LASP1: variants seen among roughly 807,000 people sequenced by gnomAD.
The protein encoded by LASP1 is LIM and SH3 protein 1.
A neutral mutation model predicts 38.6 loss-of-function variants in LASP1; 10 were observed. The ratio of observed to expected loss-of-function variants is 0.26; its 90% CI spans 0.16 to 0.44. The LOEUF is 0.44. Among genes scored for constraint, LASP1 ranks in the 20% least tolerant of loss-of-function variants. The pLI is 1.00. For synonymous variants in LASP1, 132 were observed against 140.8 expected, an observed-to-expected ratio of 0.94 and a Z score of 0.44; for missense variants, 243 against 375.7, an observed-to-expected ratio of 0.65 and a Z score of 2.92.
intron 4 of LASP1, among the ~76,000 whole-genome samples, chr17:38,912,704 G>C (rs556833112): frequency 6.6e-4 from 100 of 152,144 alleles, no homozygotes; most frequent in Non-Finnish European, 1.2e-3. Context: ...AGGAAGCCTG[G>C]GGCCAATCAG....
chr17:38,902,585 G>A (rs1053614012), intron 4 of LASP1, among the ~76,000 whole-genome samples: 2 of 152,048 alleles, frequency 1.3e-5, no homozygotes, highest in Non-Finnish European at 2.9e-5. Context: ...GGTGTTTAGA[G>A]CCACACCTTT....
intron 2 of LASP1, among the ~76,000 whole-genome samples, chr17:38,889,537 A>T (rs1289362945): frequency 6.6e-6 from 1 of 152,214 alleles, no homozygotes; most frequent in Non-Finnish European, 1.5e-5. Flanking sequence ...CACAAGGGAA[A>T]ATTCCACACC....
intron 2 of LASP1, 123 bp from the exon 3 acceptor site, chr17:38,890,297 G>C: frequency 3.7e-6 from 3 of 807,338 alleles, no homozygotes; most frequent in Non-Finnish European, 4.0e-6. Context: ...TCCTCCTGTG[G>C]GGCCGGGCCA....
intron 6 of LASP1, chr17:38,915,814 C>T (rs929589586): frequency 5.3e-5 from 8 of 152,216 alleles, no homozygotes; most frequent in African/African-American, 1.4e-4. Context: ...CTCACTCCAC[C>T]CATGGGTGCC....
chr17:38,900,197 CAAAAA>C (rs56008544), intron 4 of LASP1, among the ~76,000 whole-genome samples: 3 of 67,570 alleles, frequency 4.4e-5, no homozygotes, highest in Middle Eastern at 0.013. Context: ...ACTGTTTCTA[CAAAAA>C]AAAAAAAAAA....
chr17:38,917,631 C>T (rs1468508846), intron 6 of LASP1, among the ~76,000 whole-genome samples: 4 of 152,016 alleles, frequency 2.6e-5, no homozygotes, highest in Non-Finnish European at 5.9e-5. Context: ...CTAAAAGAAA[C>T]TACTGGTGCT....
In LASP1 at chr17:38,919,912, A is replaced by G; in HGVS notation, c.*1134A>G. On this transcript the variant is annotated 3_prime_UTR_variant, in exon 7 of 7. Coordinates refer to ENST00000318008, the MANE Select transcript of LASP1 (RefSeq NM_006148.4). ...AGAGATGGGGCGGGGGTGTGTCTGTAGGTGTCTCTGGGCCTGTGTGTGGGT... is the reference window on the plus strand; with the variant it reads ...AGAGATGGGGCGGGGGTGTGTCTGTGGGTGTCTCTGGGCCTGTGTGTGGGT... 1 of 520,914 alleles carries G rather than the reference A, an allele frequency of 1.9e-6. No individual in the cohort carries two copies. The highest frequency in any genetic ancestry group is 3.7e-6 in the Non-Finnish European group (1 of 268,344). The allele number at this position is 520,914 out of a possible 1,614,324, so 32.3% of individuals were successfully genotyped here.
At chr17:38,901,827 G>A (rs1386837993) in intron 4 of LASP1, among the ~76,000 whole-genome samples, 2 of 151,976 alleles carry the variant, frequency 1.3e-5, no homozygotes, top group African/African-American at 2.4e-5. Flanking sequence ...GTGCAGTGGC[G>A]CAATCTCGGC....
Position 38,918,955 on chromosome 17 carries a change from C to G in LASP1, c.*177C>G, listed in dbSNP as rs894179074. 1.4e-6 allele frequency: 1 copy of G among 692,218 alleles called. No homozygotes were observed. The highest frequency in any genetic ancestry group is 2.4e-6 in the Non-Finnish European group (1 of 417,224). The allele number at this position is 692,218 out of a possible 1,614,324, so 42.9% of individuals were successfully genotyped here. ...CTTCTTCTGCCACTTCTGCGGGCTC[C>G]CTCCTCTGGCAGGCTTCCCCCTTGA... On this transcript the variant is annotated 3_prime_UTR_variant, in exon 7 of 7. Transcript: ENST00000318008. This position sits in a 1 kb window ranked among gnomAD's most constrained non-coding sequence, Gnocchi z 4.4.
intron 1 of LASP1, among the ~76,000 whole-genome samples, chr17:38,876,528 A>AT: frequency 6.7e-6 from 1 of 148,806 alleles, no homozygotes. Context: ...CACCCGGCTA[A>AT]TTTTTTTGTA....
At chr17:38,896,809 T>C in intron 3 of LASP1, 1 of 577,624 alleles carries the variant, frequency 1.7e-6, no homozygotes, top group Non-Finnish European at 2.2e-6. Context: ...GAGCCTGCGT[T>C]AGTGCTAGCT....
chr17:38,893,406 C>A (rs1336009248), intron 3 of LASP1, among the ~76,000 whole-genome samples: 2 of 152,160 alleles, frequency 1.3e-5, no homozygotes, highest in Admixed American at 6.5e-5. Flanking sequence ...ACTTTTGGCC[C>A]CACTTTAAGA....
At chr17:38,895,881 G>T (rs34287320) in intron 3 of LASP1, among the ~76,000 whole-genome samples, 40 of 152,188 alleles carry the variant, frequency 2.6e-4, no homozygotes, top group African/African-American at 8.9e-4. Flanking sequence ...TCAGTCCTGG[G>T]CCTGACAGCA....
At chr17:38,892,945 G>A (rs1228934938) in intron 3 of LASP1, among the ~76,000 whole-genome samples, 12 of 152,200 alleles carry the variant, frequency 7.9e-5, no homozygotes, top group African/African-American at 2.4e-4. Flanking sequence ...GGGCCAGAGC[G>A]TGTCCGTGTG....
chr17:38,884,462 A>G (rs1362062194), intron 2 of LASP1, among the ~76,000 whole-genome samples: 1 of 148,708 alleles, frequency 6.7e-6, no homozygotes, highest in African/African-American at 2.5e-5. Context: ...ATCTTGGCTC[A>G]CTGCAACCTC....
intron 1 of LASP1, among the ~76,000 whole-genome samples, chr17:38,877,752 G>A (rs1278673730): frequency 1.3e-5 from 2 of 152,164 alleles, no homozygotes; most frequent in African/African-American, 4.8e-5. Context: ...CGCCAGCTCT[G>A]GGCAGGAGGG....
chr17:38,899,853 T>C (rs1053970877), intron 4 of LASP1, among the ~76,000 whole-genome samples: 69 of 150,456 alleles, frequency 4.6e-4, no homozygotes, highest in African/African-American at 1.5e-3. Context: ...GCCTCCCAAG[T>C]GGAGTAGCTG....
intron 4 of LASP1, among the ~76,000 whole-genome samples, chr17:38,901,982 T>C (rs1914652989): frequency 6.6e-6 from 1 of 152,130 alleles, no homozygotes; most frequent in South Asian, 2.1e-4. Flanking sequence ...TTAGCCAGGA[T>C]GATCTTGATC....
Position 38,914,463 on chromosome 17 carries a change from A to G in LASP1, c.496A>G (p.Thr166Ala), listed in dbSNP as rs1240622860. 1 of 1,606,370 alleles carries G rather than the reference A, an allele frequency of 6.2e-7. No individual in the cohort carries two copies. The highest frequency in any genetic ancestry group is 2.2e-5 in the East Asian group (1 of 44,816). The change falls in exon 5 of 7, where the codon ACC (threonine) becomes GCC (alanine). Residue 166 changes from threonine to alanine, a missense_variant. Thr to Ala is a moderately conservative substitution (Grantham distance 58, BLOSUM62 0). Coordinates refer to ENST00000318008, the MANE Select transcript of LASP1 (RefSeq NM_006148.4). ...LEQQQPHHIP[T>A]SAPVYQQPQQ... ...GCAGCAGCAGCCTCACCACATCCCG[A>G]CCAGTGCCCCGGGTGAGTGCAGGTC...
Sources: gnomAD v4.1 joint callset for allele counts (sites outside exome capture counted in the v4.1 genomes callset) on GRCh38, gnomAD v4.1.1 for gene constraint, Gnocchi (gnomAD v3.1) non-coding constraint, MANE v1.5 for transcripts, NCBI Gene and HGNC (gene_info 2026-07-23, HGNC 2026-07-21) for gene names.